HEPACAM2: variants seen among roughly 807,000 people sequenced by gnomAD.
HEPACAM2 encodes the protein mitotic kinetics regulator.
HEPACAM2 carries 49 observed loss-of-function variants against 49.6 expected under a neutral mutation model. That is an observed-to-expected ratio of 0.99 (90% CI 0.78 to 1.25). The LOEUF (loss-of-function observed/expected upper bound fraction) is 1.25. HEPACAM2 is among the 50% of genes most tolerant of loss of function. The pLI is 0.00. For missense variants in HEPACAM2, 525 were observed against 557.2 expected (o/e 0.94, Z 0.58); for synonymous variants, 197 against 202.9 (o/e 0.97, Z 0.25).
intron 4 of HEPACAM2, among the ~76,000 whole-genome samples, chr7:93,206,048 G>T (rs922004993): frequency 6.6e-6 from 1 of 152,008 alleles, no homozygotes; most frequent in African/African-American, 2.4e-5. Flanking sequence ...ATCAAATATT[G>T]GGGGCTTCTG....
At chr7:93,222,627 T>C (rs1794471543) in intron 1 of HEPACAM2, among the ~76,000 whole-genome samples, 1 of 152,198 alleles carries the variant, frequency 6.6e-6, no homozygotes, top group Non-Finnish European at 1.5e-5. Flanking sequence ...AAAGGACACA[T>C]ACTTGGGGTA....
chr7:93,197,412 G>A lies in HEPACAM2; in HGVS notation c.1139-15C>T, dbSNP rs773395785. 4.2e-5 allele frequency: 67 copies of A among 1,586,282 alleles called. No homozygotes were observed. Among genetic ancestry groups the A allele is most frequent in the Non-Finnish European group, 5.7e-5 (66 of 1,167,434 alleles). On this transcript the variant is annotated splice_polypyrimidine_tract_variant and intron_variant, in intron 5 of 9. Coordinates refer to ENST00000394468, the MANE Select transcript of HEPACAM2 (RefSeq NM_001039372.4). ...CTGTTTTATAACTAAAATCAAGAGA[G>A]AAGAAAAATGGTAAGGTTTTTTTTA...
chr7:93,225,073 T>C (rs1396704534), intron 1 of HEPACAM2, among the ~76,000 whole-genome samples: 1 of 152,138 alleles, frequency 6.6e-6, no homozygotes, highest in Non-Finnish European at 1.5e-5. Context: ...AATGTACATT[T>C]GTTTTATTTT....
At chr7:93,221,413 A>C (rs953459393) in intron 1 of HEPACAM2, among the ~76,000 whole-genome samples, 1 of 152,200 alleles carries the variant, frequency 6.6e-6, no homozygotes, top group Non-Finnish European at 1.5e-5. Flanking sequence ...AATTTTAAAA[A>C]GGGAAAGGTA....
At chr7:93,222,242 AT>A (rs1794464746) in intron 1 of HEPACAM2, among the ~76,000 whole-genome samples, 1 of 152,148 alleles carries the variant, frequency 6.6e-6, no homozygotes, top group Non-Finnish European at 1.5e-5. Flanking sequence ...ACAAAACAAA[AT>A]GCATTTATAT....
In HEPACAM2 at chr7:93,215,438, A is replaced by G. The variant is rs746390955; in HGVS notation, c.678T>C (p.Ser226=). The G allele has an allele frequency of 6.2e-7, 1 of 1,613,780 alleles. No individual in the cohort carries two copies. The highest frequency in any genetic ancestry group is 8.5e-7 in the Non-Finnish European group (1 of 1,179,812). The change falls in exon 3 of 10, where the codon AGT becomes AGC. Residue 226 remains serine (S), a synonymous_variant. Transcript: ENST00000394468. ...GCATAATGATATCACTTTCCATTTCACTGACAGGGTTCCTCACCAGGCAGC... is the reference window on the plus strand; with the variant it reads ...GCATAATGATATCACTTTCCATTTCGCTGACAGGGTTCCTCACCAGGCAGC... The part of the protein sequence containing the change: ...NYSCLVRNPV[S]EMESDIIMPI...
intron 2 of HEPACAM2, among the ~76,000 whole-genome samples, chr7:93,216,037 CA>C (rs923411157): frequency 7.9e-5 from 12 of 152,120 alleles, no homozygotes; most frequent in African/African-American, 2.7e-4. Context: ...CTTTCACAGG[CA>C]AAATTTTTAT....
intron 3 of HEPACAM2, among the ~76,000 whole-genome samples, chr7:93,212,449 C>T (rs1414716073): frequency 6.6e-6 from 1 of 151,954 alleles, no homozygotes; most frequent in African/African-American, 2.4e-5. Context: ...ATTTCAGTTC[C>T]TTGCTTCTGA....
intron 9 of HEPACAM2, among the ~76,000 whole-genome samples, chr7:93,191,437 G>T (rs1162122369): frequency 6.6e-6 from 1 of 152,096 alleles, no homozygotes; most frequent in African/African-American, 2.4e-5. Context: ...AAGTGTGCAT[G>T]AATTACTTTG....
intron 2 of HEPACAM2, 80 bp downstream of exon 2, chr7:93,219,021 A>C: frequency 8.1e-7 from 1 of 1,234,002 alleles, no homozygotes; most frequent in Non-Finnish European, 1.1e-6. Flanking sequence ...CAAGATCTAA[A>C]GCCGAAGTAG....
At chr7:93,212,779 C>T (rs1794207899) in intron 3 of HEPACAM2, among the ~76,000 whole-genome samples, 1 of 152,052 alleles carries the variant, frequency 6.6e-6, no homozygotes, top group Middle Eastern at 3.2e-3. Context: ...GGCTGACCAT[C>T]CCTCTACTTG....
rs572501783 is a variant in HEPACAM2 at position 93,206,213 on chromosome 7, A to G, written c.1012+2367T>C. Among the ~76,000 whole-genome samples the G allele has an allele frequency of 3.9e-5, 6 of 152,206 alleles. No homozygotes were observed. In the South Asian group the frequency reaches 1.2e-3, roughly 32 times the overall value. ...ATGATACCAGGATTGCTACTATTTTATGTGCTTAATTATGGCTTGCTGTAC... is the reference window on the plus strand; with the variant it reads ...ATGATACCAGGATTGCTACTATTTTGTGTGCTTAATTATGGCTTGCTGTAC... On this transcript the variant is annotated intron_variant, in intron 4 of 9. Coordinates refer to ENST00000394468, the MANE Select transcript of HEPACAM2 (RefSeq NM_001039372.4).
Position 93,208,551 on chromosome 7 carries a change from A to G in HEPACAM2, c.1012+29T>C, listed in dbSNP as rs754765889. 14 of 1,590,134 alleles carry G rather than the reference A, an allele frequency of 8.8e-6. No individual in the cohort carries two copies. The South Asian group carries it at 1.5e-4, about 17-fold the overall frequency. On this transcript the variant is annotated intron_variant, in intron 4 of 9. Transcript: ENST00000394468. ...GGCCAGCATGCATTCATGTTTTATT[A>G]GGATCCCTTCCTTGTATGTCACACA...
At chr7:93,217,780 A>T (rs534022283) in intron 2 of HEPACAM2, among the ~76,000 whole-genome samples, 2 of 152,166 alleles carry the variant, frequency 1.3e-5, no homozygotes, top group African/African-American at 4.8e-5. Flanking sequence ...TAATATGCCC[A>T]GGTAGTAATA....
intron 4 of HEPACAM2, among the ~76,000 whole-genome samples, chr7:93,203,861 A>G (rs1162055524): frequency 6.6e-6 from 1 of 152,100 alleles, no homozygotes; most frequent in Non-Finnish European, 1.5e-5. Flanking sequence ...CCGGAGATGA[A>G]GGTGCCACGT....
intron 8 of HEPACAM2, among the ~76,000 whole-genome samples, chr7:93,192,919 A>C (rs1159503447): frequency 6.6e-6 from 1 of 152,116 alleles, no homozygotes; most frequent in Non-Finnish European, 1.5e-5. Context: ...GCTTAGGTGA[A>C]TGTGGAAAGG....
intron 1 of HEPACAM2, among the ~76,000 whole-genome samples, chr7:93,224,900 AAAG>A (rs1279151389): frequency 4.6e-5 from 7 of 152,340 alleles, no homozygotes; most frequent in African/African-American, 7.2e-5. Context: ...AATTTTTTAA[AAAG>A]AAGAAGCAAA....
At chr7:93,190,961 G>C (rs1440768876) in intron 9 of HEPACAM2, among the ~76,000 whole-genome samples, 1 of 151,856 alleles carries the variant, frequency 6.6e-6, no homozygotes, top group African/African-American at 2.4e-5. Flanking sequence ...ATAGTTAGAA[G>C]AAAGGATACA....
At chr7:93,217,219 A>G (rs959502519) in intron 2 of HEPACAM2, among the ~76,000 whole-genome samples, 1 of 152,160 alleles carries the variant, frequency 6.6e-6, no homozygotes, top group Non-Finnish European at 1.5e-5. Context: ...TGTGTGTGGA[A>G]CTGTAAGTGG....
Sources: allele counts gnomAD v4.1 joint callset (sites outside exome capture counted in the v4.1 genomes callset), GRCh38; gene constraint gnomAD v4.1.1; transcripts MANE v1.5; gene names NCBI Gene and HGNC (gene_info 2026-07-23, HGNC 2026-07-21).